CACNA1A: variants seen among roughly 807,000 people sequenced by gnomAD.
The protein encoded by CACNA1A is calcium voltage-gated channel subunit alpha1 A, also known as voltage-dependent P/Q-type calcium channel subunit alpha-1A.
In CACNA1A, 57 loss-of-function variants were observed where a neutral mutation model predicts 262.4. That is an observed-to-expected ratio of 0.22 (90% confidence interval 0.18 to 0.27). The LOEUF (loss-of-function observed/expected upper bound fraction) is 0.27, where lower values mean the gene tolerates loss of function less well. Ranked by LOEUF, CACNA1A falls within the 10% of genes least tolerant of loss-of-function variation. CACNA1A has a pLI of 1.00. For synonymous variants in CACNA1A, 1,431 were observed against 1,419.3 expected, an observed-to-expected ratio of 1.01 and a Z score of -0.18; for missense variants, 2,526 against 3,562.8, an observed-to-expected ratio of 0.71 and a Z score of 7.41.
chr19:13,212,135 C>A lies in CACNA1A; in HGVS notation c.6271G>T (p.Ala2091Ser). The A allele has an allele frequency of 6.2e-7, 1 of 1,613,346 alleles. No individual in the cohort carries two copies. The highest frequency in any genetic ancestry group is 8.5e-7 in the Non-Finnish European group (1 of 1,179,464). The change falls in exon 43 of 47, where the codon GCC (alanine) becomes TCC (serine). Residue 2091 changes from alanine (A) to serine (S), a missense_variant. Physicochemically the swap from Ala to Ser is moderately conservative, Grantham distance 99 (BLOSUM62 1). Around this residue, in one of 17 missense-constraint regions of CACNA1A, gnomAD observed 929 missense variants for 868.1 expected, o/e 1.07. Coordinates refer to ENST00000360228, the MANE Select transcript of CACNA1A (RefSeq NM_001127222.2). This position sits in a 1 kb window ranked among gnomAD's most constrained non-coding sequence, Gnocchi z 5.6. ...YLPMEGQGRA[A>S]SMPRLPAENQ... ...TCTGCAGGGAGGCGGGGCATGGAGG[C>A]AGCCCGGCCCTGGCCTTCCATGGGG...
At chr19:13,285,342 G>T in intron 20 of CACNA1A, 136 bp from the exon 21 acceptor site, 1 of 847,220 alleles carries the variant, frequency 1.2e-6, no homozygotes, top group Non-Finnish European at 1.8e-6. Context: ...GGCATCTTAT[G>T]ACATCACTGA....
intron 31 of CACNA1A, among the ~76,000 whole-genome samples, chr19:13,238,392 A>G (rs963396686): frequency 1.3e-5 from 2 of 152,104 alleles, no homozygotes; most frequent in Non-Finnish European, 2.9e-5. Context: ...AGTGCTCAGA[A>G]GGATATGGAG....
chr19:13,316,885 T>C (rs899713844), intron 11 of CACNA1A: 2 of 422,026 alleles, frequency 4.7e-6, no homozygotes, highest in Admixed American at 3.8e-5. Context: ...CAGGAGCATT[T>C]GTTGGTCTGA....
chr19:13,486,362 T>TTCTCTCTG (rs150873105), intron 1 of CACNA1A, among the ~76,000 whole-genome samples: 2 of 150,678 alleles, frequency 1.3e-5, no homozygotes, highest in South Asian at 4.2e-4. Context: ...TCTAGGTTTG[T>TTCTCTCTG]TCTGTCTCTC....
intron 3 of CACNA1A, among the ~76,000 whole-genome samples, chr19:13,381,004 G>A (rs1648560893): frequency 6.6e-6 from 1 of 151,932 alleles, no homozygotes; most frequent in South Asian, 2.1e-4. Flanking sequence ...TCGAACTCCT[G>A]AGCTCAAGCA....
chr19:13,236,221 G>T lies in CACNA1A; in HGVS notation c.4951-491C>A, dbSNP rs1166733275. 6.6e-6 allele frequency among the ~76,000 whole-genome samples: 1 copy of T among 151,898 alleles called. No individual in the cohort carries two copies. Among genetic ancestry groups the T allele is most frequent in the Non-Finnish European group, 1.5e-5 (1 of 67,942 alleles). On this transcript the variant is annotated intron_variant, in intron 31 of 46. Transcript: ENST00000360228. This position sits in a 1 kb window ranked among gnomAD's most constrained non-coding sequence, Gnocchi z 4.6. ...GATGCACAAACACCAGGGCGGGGGTGGGGGTGGAGGTCGCCAGCACAGTCA... is the reference window on the plus strand; with the variant it reads ...GATGCACAAACACCAGGGCGGGGGTTGGGGTGGAGGTCGCCAGCACAGTCA...
intron 9 of CACNA1A, among the ~76,000 whole-genome samples, chr19:13,331,166 G>T (rs912145089): frequency 3.3e-5 from 5 of 152,128 alleles, no homozygotes; most frequent in Non-Finnish European, 7.3e-5. Flanking sequence ...CTTCTGGGAC[G>T]CAGTGCCAGT....
At chr19:13,464,522 T>TAATAGTA (rs923932678) in intron 1 of CACNA1A, among the ~76,000 whole-genome samples, 1 of 151,696 alleles carries the variant, frequency 6.6e-6, no homozygotes, top group African/African-American at 2.4e-5. Flanking sequence ...CAATTGCTGC[T>TAATAGTA]AATAGTAAAT....
At chr19:13,278,277 G>A (rs1344431864) in intron 22 of CACNA1A, among the ~76,000 whole-genome samples, 1 of 152,052 alleles carries the variant, frequency 6.6e-6, no homozygotes, top group Non-Finnish European at 1.5e-5. Flanking sequence ...GCCCCTGCAC[G>A]ATCTGACCAT....
chr19:13,220,933 GCT>G (rs1479689859), intron 38 of CACNA1A, among the ~76,000 whole-genome samples: 1 of 151,856 alleles, frequency 6.6e-6, no homozygotes, highest in Non-Finnish European at 1.5e-5. Context: ...ACTTCCTTGT[GCT>G]CTCTTTACCT....
chr19:13,475,076 A>G (rs1978360861), intron 1 of CACNA1A, among the ~76,000 whole-genome samples: 1 of 152,232 alleles, frequency 6.6e-6, no homozygotes, highest in African/African-American at 2.4e-5. Context: ...TGTTAATCAG[A>G]AGTTTACATG....
At position 13,488,490 on chromosome 19, in the gene CACNA1A, C is replaced by A. The variant is rs1297042639; in HGVS notation, c.293+17442G>T. Among the ~76,000 whole-genome samples the A allele has an allele frequency of 1.3e-5, 2 of 149,252 alleles. 1 individual carries two copies. Among genetic ancestry groups the A allele is most frequent in the African/African-American group, 5.0e-5 (2 of 39,998 alleles). On this transcript the variant is annotated intron_variant, in intron 1 of 46. Coordinates refer to ENST00000360228, the MANE Select transcript of CACNA1A (RefSeq NM_001127222.2). ...CTCAGCTTACTGCAACCTCCACCTC[C>A]CAGGTTCAAGCAGTTCTCCTGCCTC...
chr19:13,213,949 T>C, intron 40 of CACNA1A: 1 of 367,612 alleles, frequency 2.7e-6, no homozygotes, highest in South Asian at 3.4e-5. Context: ...GCCTCCTAAA[T>C]AGCTGGGACT....
At chr19:13,283,166 A>AC (rs1468833840) in intron 22 of CACNA1A, 101 bp downstream of exon 22, 2 of 1,426,942 alleles carry the variant, frequency 1.4e-6, no homozygotes, top group Non-Finnish European at 9.6e-7. Flanking sequence ...CCTAGGGGTG[A>AC]CCCCAACATC....
At chr19:13,427,631 A>G (rs1377700457) in intron 3 of CACNA1A, among the ~76,000 whole-genome samples, 2 of 152,024 alleles carry the variant, frequency 1.3e-5, no homozygotes, top group East Asian at 3.8e-4. Flanking sequence ...CTCTCTCTCC[A>G]TAAAATGTGG....
At chr19:13,474,643 C>A (rs1030746335) in intron 1 of CACNA1A, among the ~76,000 whole-genome samples, 1 of 152,028 alleles carries the variant, frequency 6.6e-6, no homozygotes, top group Non-Finnish European at 1.5e-5. Context: ...ATGGTGAAAC[C>A]CCGTCTCTAC....
chr19:13,278,220 C>T (rs1246054059), intron 22 of CACNA1A, among the ~76,000 whole-genome samples: 1 of 152,146 alleles, frequency 6.6e-6, no homozygotes. Flanking sequence ...TCCGTGGCTC[C>T]CACCTCATTC....
chr19:13,268,581 C>T (rs916844814), intron 24 of CACNA1A, among the ~76,000 whole-genome samples: 1 of 151,960 alleles, frequency 6.6e-6, no homozygotes, highest in Non-Finnish European at 1.5e-5. Flanking sequence ...TACAGGCGCC[C>T]ACCACCACGC....
intron 3 of CACNA1A, among the ~76,000 whole-genome samples, chr19:13,417,886 T>A (rs763350946): frequency 1.9e-5 from 2 of 103,206 alleles, no homozygotes; most frequent in African/African-American, 7.9e-5. Flanking sequence ...CAAGACTCCA[T>A]CTCAAAAAAA....
Sources: gnomAD v4.1 joint callset for allele counts (sites outside exome capture counted in the v4.1 genomes callset) on GRCh38, gnomAD v4.1.1 for gene constraint, gnomAD v4.1.1 regional missense constraint, Gnocchi (gnomAD v3.1) non-coding constraint, MANE v1.5 for transcripts, NCBI Gene and HGNC (gene_info 2026-07-23, HGNC 2026-07-21) for gene names.